Variants in ERP27 observed in about 807,000 individuals in gnomAD.
ERP27 encodes endoplasmic reticulum resident protein 27.
Under a neutral mutation model 27.7 loss-of-function variants are expected in ERP27, and 23 were observed. The ratio of observed to expected loss-of-function variants is 0.83; its 90% CI spans 0.60 to 1.18. ERP27 has a LOEUF of 1.18. Ranked by LOEUF, ERP27 falls within the 50% of genes most tolerant of loss-of-function variation. The pLI is 0.00. For missense variants in ERP27, 363 were observed against 327.9 expected, an observed-to-expected ratio of 1.11 and a Z score of -0.83; for synonymous variants, 159 against 118.3, an observed-to-expected ratio of 1.34 and a Z score of -2.23.
chr12:14,915,423 A>G, intron 6 of ERP27, 66 bp downstream of exon 6: 1 of 1,549,844 alleles, frequency 6.5e-7, no homozygotes, highest in Non-Finnish European at 8.8e-7. Flanking sequence ...AAGAATTCTT[A>G]TTCAACTGGA....
chr12:14,937,916 T>A (rs1466098664), intron 2 of ERP27, 36 bp downstream of exon 2: 4 of 1,584,046 alleles, frequency 2.5e-6, no homozygotes, highest in Non-Finnish European at 3.5e-6. Flanking sequence ...GTAGAACATT[T>A]CTGGCTCTTG....
intron 3 of ERP27, among the ~76,000 whole-genome samples, chr12:14,921,844 C>T (rs1340065213): frequency 6.6e-6 from 1 of 151,838 alleles, no homozygotes; most frequent in Non-Finnish European, 1.5e-5. Flanking sequence ...TCATCCTTTC[C>T]TTTATACCTT....
chr12:14,938,403 T>C lies in ERP27; in HGVS notation c.94+12A>G. ...TTCACACTATAGCCACCCAACTACA[T>C]TTTTCTTTTACCTGAGGATTTCTCA... is the stretch of plus-strand genomic sequence containing the variant. On this transcript the variant is annotated intron_variant, in intron 1 of 6. Coordinates refer to ENST00000266397, the MANE Select transcript of ERP27 (RefSeq NM_152321.4). 1 of 1,613,830 alleles carries C rather than the reference T, an allele frequency of 6.2e-7. No homozygotes were observed.
chr12:14,916,791 G>C (rs1863416929), intron 5 of ERP27, among the ~76,000 whole-genome samples: 3 of 152,098 alleles, frequency 2.0e-5, no homozygotes, highest in Admixed American at 2.0e-4. Context: ...ATATTGAGCA[G>C]GCACCAGGTA....
At position 14,916,469 on chromosome 12, in the gene ERP27, C is replaced by T. The variant is rs557745476; in HGVS notation, c.576+709G>A. Among the ~76,000 whole-genome samples, 165 of 152,216 alleles carry T rather than the reference C, an allele frequency of 1.1e-3. 1 individual carries two copies. Among genetic ancestry groups the T allele is most frequent in the African/African-American group, 3.6e-3 (149 of 41,534 alleles). Reference sequence around the variant, plus strand: ...GTAACGCATTAATATTTTTATTCAGCTTTTGGCCTATAGTAAGTGCTTGAT... The same window carrying T: ...GTAACGCATTAATATTTTTATTCAGTTTTTGGCCTATAGTAAGTGCTTGAT... On this transcript the variant is annotated intron_variant, in intron 5 of 6. Coordinates refer to ENST00000266397, the MANE Select transcript of ERP27 (RefSeq NM_152321.4).
In ERP27 at chr12:14,938,023, A is replaced by G; in HGVS notation, c.124T>C (p.Trp42Arg). The stretch of plus-strand genomic sequence containing the variant: ...ATGGCAGCTGGGACATCTGTGAGCC[A>G]CGTGGGTTCCTGGGCAGCACCAGGA... ...DGPGAAQEPT[W>R]LTDVPAAMEF... Residue 42 changes from tryptophan (W) to arginine (R), a missense_variant, in exon 2 of 7, where the codon TGG (tryptophan) becomes CGG (arginine). By Grantham distance (101) the Trp-to-Arg change is moderately radical (BLOSUM62 -3). Transcript: ENST00000266397. 1 of 1,614,130 alleles carries G rather than the reference A, an allele frequency of 6.2e-7. No homozygotes were observed. The highest frequency in any genetic ancestry group is 8.5e-7 in the Non-Finnish European group (1 of 1,179,984).
chr12:14,936,934 G>A (rs1423474428), intron 2 of ERP27, among the ~76,000 whole-genome samples: 2 of 152,156 alleles, frequency 1.3e-5, no homozygotes, highest in African/African-American at 2.4e-5. Flanking sequence ...GGGTCAAGCA[G>A]AGGGAGCTGG....
At chr12:14,917,403 G>C in intron 4 of ERP27, 100 bp from the exon 5 acceptor site, 1 of 1,506,094 alleles carries the variant, frequency 6.6e-7, no homozygotes, top group East Asian at 2.3e-5. Context: ...AATGAGAGCT[G>C]GCCACTGGTA....
chr12:14,934,125 A>G (rs1487746578), intron 3 of ERP27, among the ~76,000 whole-genome samples: 3 of 151,832 alleles, frequency 2.0e-5, no homozygotes, highest in South Asian at 2.1e-4. Flanking sequence ...ATTTTCCCCA[A>G]TGTGTACCCT....
At chr12:14,928,148 C>A (rs1478181056) in intron 3 of ERP27, among the ~76,000 whole-genome samples, 1 of 152,212 alleles carries the variant, frequency 6.6e-6, no homozygotes, top group Non-Finnish European at 1.5e-5. Flanking sequence ...AACCCTTTCC[C>A]CTCCATGTGC....
intron 3 of ERP27, among the ~76,000 whole-genome samples, chr12:14,924,097 A>C (rs1298194863): frequency 6.6e-6 from 1 of 152,054 alleles, no homozygotes; most frequent in African/African-American, 2.4e-5. Flanking sequence ...TCCATTTTTT[A>C]GATTGCTTGT....
intron 3 of ERP27, chr12:14,928,855 C>G: frequency 7.5e-7 from 1 of 1,330,664 alleles, no homozygotes; most frequent in African/African-American, 1.5e-5. Context: ...CTTCCCTTGC[C>G]CATATCAAGA....
chr12:14,938,258 A>C (rs188848302), intron 1 of ERP27, among the ~76,000 whole-genome samples, 157 bp downstream of exon 1: 2 of 141,602 alleles, frequency 1.4e-5, no homozygotes, highest in Admixed American at 1.5e-4. Flanking sequence ...ATACTGCCAG[A>C]CTTCCCTACT....
intron 3 of ERP27, among the ~76,000 whole-genome samples, chr12:14,927,140 C>T (rs531639277): frequency 6.6e-5 from 10 of 152,140 alleles, no homozygotes; most frequent in Admixed American, 5.9e-4. Context: ...AGCTGTGAAC[C>T]TTATGGTTGT....
At chr12:14,934,029 A>G (rs1402026209) in intron 3 of ERP27, among the ~76,000 whole-genome samples, 1 of 152,248 alleles carries the variant, frequency 6.6e-6, no homozygotes, top group African/African-American at 2.4e-5. Flanking sequence ...TTCCAGTAAC[A>G]GCCAAATTCA....
In ERP27 at chr12:14,914,514, G is replaced by T; in HGVS notation, c.*221C>A. Reference sequence around the variant, plus strand: ...GGGAGTGAGGATATGAAATTTAAAAGAAGGAAGAAGAGAAAACGAGATTTT... The same window carrying T: ...GGGAGTGAGGATATGAAATTTAAAATAAGGAAGAAGAGAAAACGAGATTTT... On this transcript the variant is annotated 3_prime_UTR_variant, in exon 7 of 7. Coordinates refer to ENST00000266397, the MANE Select transcript of ERP27 (RefSeq NM_152321.4). 3.8e-6 allele frequency: 2 copies of T among 520,780 alleles called. No individual in the cohort carries two copies. The highest frequency in any genetic ancestry group is 3.7e-5 in the Admixed American group (1 of 27,252). The allele number at this position is 520,780 out of a possible 1,614,324, so 32.3% of individuals were successfully genotyped here.
At chr12:14,930,355 T>A (rs1376476850) in intron 3 of ERP27, among the ~76,000 whole-genome samples, 1 of 152,246 alleles carries the variant, frequency 6.6e-6, no homozygotes, top group African/African-American at 2.4e-5. Flanking sequence ...AAAGGATGAC[T>A]GCACTGTGTT....
chr12:14,938,098 G>C (rs1863799449), intron 1 of ERP27, 46 bp from the exon 2 acceptor site: 1 of 1,508,150 alleles, frequency 6.6e-7, no homozygotes, highest in Middle Eastern at 1.7e-4. Flanking sequence ...GCAAGAAGAA[G>C]CAGCTCTAAA....
intron 3 of ERP27, among the ~76,000 whole-genome samples, chr12:14,929,461 G>A (rs923254849): frequency 5.9e-5 from 9 of 151,992 alleles, no homozygotes; most frequent in Non-Finnish European, 1.2e-4. Flanking sequence ...CTCTGTAAAG[G>A]GAATTATTTG....
Sources: allele counts gnomAD v4.1 joint callset (sites outside exome capture counted in the v4.1 genomes callset), GRCh38; gene constraint gnomAD v4.1.1; transcripts MANE v1.5; gene names NCBI Gene and HGNC (gene_info 2026-07-23, HGNC 2026-07-21).